The following SMYD3 variants were observed in gnomAD, a reference collection of about 807,000 sequenced individuals.
The protein encoded by SMYD3 is SET and MYND domain containing 3, also known as histone-lysine N-methyltransferase SMYD3.
Under a neutral mutation model 57.7 loss-of-function variants are expected in SMYD3, and 36 were observed. The ratio of observed to expected loss-of-function variants is 0.62; its 90% CI spans 0.48 to 0.82. The LOEUF (loss-of-function observed/expected upper bound fraction) is 0.82, where lower values mean the gene tolerates loss of function less well. SMYD3 is among the 40% of genes least tolerant of loss of function. SMYD3 has a pLI of 0.00. For missense variants in SMYD3, 515 were observed against 538.8 expected, an observed-to-expected ratio of 0.96 and a Z score of 0.44; for synonymous variants, 211 against 195.0, an observed-to-expected ratio of 1.08 and a Z score of -0.68.
intron 5 of SMYD3, among the ~76,000 whole-genome samples, chr1:246,025,045 G>C (rs36134393): frequency 0.014 from 1,576 of 110,688 alleles, no homozygotes; most frequent in East Asian, 0.073. Context: ...TCTAGGAAGA[G>C]AGATACAGCA....
chr1:245,961,892 C>A (rs2147991209), intron 5 of SMYD3, among the ~76,000 whole-genome samples: 1 of 152,248 alleles, frequency 6.6e-6, no homozygotes, highest in South Asian at 2.1e-4. Flanking sequence ...CAGTAAGCTG[C>A]CGGATAAAAG....
chr1:246,071,080 C>G (rs931995878), intron 5 of SMYD3, among the ~76,000 whole-genome samples: 20 of 152,168 alleles, frequency 1.3e-4, no homozygotes, highest in African/African-American at 4.6e-4. Context: ...TTAATTCTAT[C>G]AGCAGAAGCA....
chr1:245,886,607 C>T (rs2053097063), intron 8 of SMYD3, among the ~76,000 whole-genome samples: 1 of 152,174 alleles, frequency 6.6e-6, no homozygotes, highest in Non-Finnish European at 1.5e-5. Context: ...AACCCAAAAG[C>T]ATCTCATTCT....
At chr1:245,817,179 C>T (rs1459685706) in intron 10 of SMYD3, among the ~76,000 whole-genome samples, 4 of 149,176 alleles carry the variant, frequency 2.7e-5, no homozygotes, top group Non-Finnish European at 5.9e-5. Context: ...AGTGGTTCTC[C>T]CAGCACGCAG....
At chr1:246,493,967 C>A (rs2068316551) in intron 1 of SMYD3, among the ~76,000 whole-genome samples, 1 of 152,208 alleles carries the variant, frequency 6.6e-6, no homozygotes, top group Non-Finnish European at 1.5e-5. Context: ...CTCTACCAGT[C>A]CCCTAGCTCA....
chr1:246,448,191 A>G (rs1558469981), intron 1 of SMYD3, among the ~76,000 whole-genome samples: 2 of 152,196 alleles, frequency 1.3e-5, no homozygotes, highest in Non-Finnish European at 2.9e-5. Context: ...CACTCCAGCT[A>G]GGGAAACAGA....
At chr1:245,882,307 T>C (rs2052826068) in intron 8 of SMYD3, among the ~76,000 whole-genome samples, 1 of 152,204 alleles carries the variant, frequency 6.6e-6, no homozygotes, top group Admixed American at 6.5e-5. Flanking sequence ...TTAACCCAAC[T>C]GTGGTTGCCA....
intron 10 of SMYD3, among the ~76,000 whole-genome samples, chr1:245,836,085 G>A (rs74745351): frequency 0.022 from 3,364 of 152,162 alleles, 127 homozygotes; most frequent in African/African-American, 0.073. Context: ...CCTCATAGAC[G>A]TCTCCAAGAT....
chr1:245,860,255 C>T (rs2051466062), intron 9 of SMYD3, among the ~76,000 whole-genome samples: 1 of 152,152 alleles, frequency 6.6e-6, no homozygotes, highest in Non-Finnish European at 1.5e-5. Flanking sequence ...ACCCTCTTCA[C>T]TGAGGTCCTA....
intron 5 of SMYD3, among the ~76,000 whole-genome samples, chr1:246,016,079 C>G (rs942514893): frequency 1.3e-5 from 2 of 151,966 alleles, no homozygotes; most frequent in African/African-American, 2.4e-5. Context: ...CAGTGGCGGA[C>G]AGAAAAGCAT....
intron 5 of SMYD3, among the ~76,000 whole-genome samples, chr1:246,189,859 C>T (rs2062703489): frequency 6.6e-6 from 1 of 152,310 alleles, no homozygotes; most frequent in South Asian, 2.1e-4. Flanking sequence ...AAAATACTGT[C>T]ATTTGTATGT....
At chr1:246,052,464 G>GAAATTAAATTAAAATGC in intron 5 of SMYD3, 1 of 152,186 alleles carries the variant, frequency 6.6e-6, no homozygotes, top group Non-Finnish European at 1.5e-5. Flanking sequence ...GCATTTCAAA[G>GAAATTAAATTAAAATGC]ATAATCCTAA....
rs2064672906 is a variant in SMYD3, at chr1:246,290,708, C to G, written c.531+36493G>C. On this transcript the variant is annotated intron_variant, in intron 5 of 11. Coordinates refer to ENST00000490107, the MANE Select transcript of SMYD3 (RefSeq NM_001167740.2). ...AGCCTCTCACAATGAACTGAAAAAC[C>G]CTATATTCTTTCCTTTTTTTTCCTT... 2.0e-5 allele frequency among the ~76,000 whole-genome samples: 3 copies of G among 151,986 alleles called. No individual in the cohort carries two copies. In the South Asian group the frequency reaches 6.2e-4, roughly 32 times the overall value.
At chr1:246,098,169 A>G (rs1558226110) in intron 5 of SMYD3, among the ~76,000 whole-genome samples, 1 of 152,250 alleles carries the variant, frequency 6.6e-6, no homozygotes, top group Admixed American at 6.5e-5. Context: ...AAAAGACAAC[A>G]TAATTCAATG....
At chr1:246,158,432 A>C (rs2062058244) in intron 5 of SMYD3, among the ~76,000 whole-genome samples, 1 of 152,220 alleles carries the variant, frequency 6.6e-6, no homozygotes, top group African/African-American at 2.4e-5. Flanking sequence ...TTGAAAGTTT[A>C]CTACACATTT....
chr1:246,154,135 C>T (rs568727589), intron 5 of SMYD3, among the ~76,000 whole-genome samples: 3 of 152,212 alleles, frequency 2.0e-5, no homozygotes, highest in African/African-American at 7.2e-5. Context: ...TATATCCACT[C>T]ATGTGGTATT....
chr1:245,983,225 T>C (rs955799613), intron 5 of SMYD3, among the ~76,000 whole-genome samples: 2 of 152,162 alleles, frequency 1.3e-5, no homozygotes, highest in South Asian at 2.1e-4. Context: ...TTTCACCCCA[T>C]GGGGGTTGTG....
At chr1:246,080,933 C>T (rs961731411) in intron 5 of SMYD3, among the ~76,000 whole-genome samples, 6 of 152,064 alleles carry the variant, frequency 3.9e-5, no homozygotes, top group Admixed American at 2.6e-4. Context: ...CAAAACAGCT[C>T]GTTTATGGAA....
intron 8 of SMYD3, among the ~76,000 whole-genome samples, chr1:245,883,513 A>T (rs1572586764): frequency 6.6e-6 from 1 of 152,216 alleles, no homozygotes; most frequent in East Asian, 1.9e-4. Context: ...AACTAGGGGA[A>T]AAAAACCCCA....
Sources: allele counts gnomAD v4.1 joint callset (sites outside exome capture counted in the v4.1 genomes callset), GRCh38; gene constraint gnomAD v4.1.1; transcripts MANE v1.5; gene names NCBI Gene and HGNC (gene_info 2026-07-23, HGNC 2026-07-21).